The following MPPED1 variants were observed in gnomAD, a reference collection of about 807,000 sequenced individuals.
MPPED1 encodes metallophosphoesterase domain-containing protein 1.
In MPPED1, 16 loss-of-function variants were observed where a neutral mutation model predicts 36.2. The observed-to-expected ratio is 0.44, with a 90% confidence interval of 0.30 to 0.67. The LOEUF (loss-of-function observed/expected upper bound fraction) is 0.67. Ranked by LOEUF, MPPED1 falls within the 30% of genes least tolerant of loss-of-function variation. The pLI is 0.10. For synonymous variants in MPPED1, 199 were observed against 191.3 expected (o/e 1.04, Z -0.33); for missense variants, 307 against 453.4 (o/e 0.68, Z 2.93).
At chr22:43,454,703 AC>A (rs990986496) in intron 3 of MPPED1, among the ~76,000 whole-genome samples, 88 of 152,240 alleles carry the variant, frequency 5.8e-4, no homozygotes, top group African/African-American at 2.1e-3. Context: ...GGTGCACACC[AC>A]CACACCTAGC....
At chr22:43,432,271 GGAGA>G (rs749549215) in intron 2 of MPPED1, among the ~76,000 whole-genome samples, 383 of 148,752 alleles carry the variant, frequency 2.6e-3, no homozygotes, top group Non-Finnish European at 4.4e-3. Context: ...GAGAAAGGGA[GGAGA>G]GAGAGAGAAA....
At chr22:43,469,410 A>G (rs953616766) in intron 3 of MPPED1, among the ~76,000 whole-genome samples, 14 of 152,206 alleles carry the variant, frequency 9.2e-5, no homozygotes, top group African/African-American at 3.4e-4. Context: ...GGTTGTGATG[A>G]AATTAAGCAA....
At chr22:43,443,683 C>T (rs907936296) in intron 3 of MPPED1, among the ~76,000 whole-genome samples, 2 of 151,846 alleles carry the variant, frequency 1.3e-5, no homozygotes, top group African/African-American at 4.8e-5. Context: ...AAAAGTCCAA[C>T]CAACTTTTTT....
intron 4 of MPPED1, among the ~76,000 whole-genome samples, chr22:43,483,262 G>T (rs1931805858): frequency 1.3e-5 from 2 of 152,254 alleles, no homozygotes; most frequent in Admixed American, 1.3e-4. Flanking sequence ...ACCAGAACGG[G>T]GCCGAGTCCT....
chr22:43,465,674 G>A (rs1178201091), intron 3 of MPPED1, among the ~76,000 whole-genome samples: 3 of 152,198 alleles, frequency 2.0e-5, no homozygotes, highest in African/African-American at 7.2e-5. Context: ...TGAAGAGAGC[G>A]GCTCTTGGAA....
intron 4 of MPPED1, among the ~76,000 whole-genome samples, chr22:43,495,489 A>AAGTGCTGGTGAT (rs1193574349): frequency 9.5e-5 from 1 of 10,480 alleles, no homozygotes; most frequent in African/African-American, 8.9e-4. Flanking sequence ...GTGGTGGTGG[A>AAGTGCTGGTGAT]GGTAGTGGTG....
At chr22:43,428,096 G>A (rs911700346) in intron 2 of MPPED1, among the ~76,000 whole-genome samples, 4 of 152,192 alleles carry the variant, frequency 2.6e-5, no homozygotes, top group African/African-American at 9.6e-5. Context: ...TGCCTGTGCT[G>A]AGCTTACATC....
At chr22:43,472,904 A>G (rs1342424660) in intron 3 of MPPED1, among the ~76,000 whole-genome samples, 1 of 152,222 alleles carries the variant, frequency 6.6e-6, no homozygotes, top group Admixed American at 6.5e-5. Context: ...CTGTAGTTAT[A>G]GGACATGTAC....
chr22:43,463,345 T>TC (rs1364693884), intron 3 of MPPED1, among the ~76,000 whole-genome samples: 14 of 150,232 alleles, frequency 9.3e-5, no homozygotes, highest in African/African-American at 2.9e-4. Context: ...TTTTTTTTTT[T>TC]TTTTGAGACA....
chr22:43,427,496 C>T lies in MPPED1; in HGVS notation c.224+2287C>T, dbSNP rs551193432. Reference sequence around the variant, plus strand: ...CTGGGCAGGCAGCAGGGGTTGGGGGCGTGCAGGAGACACCACAGGCCCCTG... The same window carrying T: ...CTGGGCAGGCAGCAGGGGTTGGGGGTGTGCAGGAGACACCACAGGCCCCTG... On this transcript the variant is annotated intron_variant, in intron 2 of 6. Coordinates refer to ENST00000443721, the MANE Select transcript of MPPED1 (RefSeq NM_001044370.2). Among the ~76,000 whole-genome samples, 72 of 152,012 alleles carry T rather than the reference C, an allele frequency of 4.7e-4. 1 individual carries two copies. The highest frequency in any genetic ancestry group is 1.1e-3 in the African/African-American group (47 of 41,478).
intron 3 of MPPED1, among the ~76,000 whole-genome samples, chr22:43,447,873 ATATATATATATTT>A (rs1322095985): frequency 9.7e-5 from 3 of 31,020 alleles, no homozygotes; most frequent in African/African-American, 3.0e-4. Context: ...ATATATATAT[ATATATATATATTT>A]TTTTTTTTTT....
chr22:43,473,219 C>G (rs918178169), intron 3 of MPPED1, among the ~76,000 whole-genome samples: 7 of 149,356 alleles, frequency 4.7e-5, no homozygotes, highest in Non-Finnish European at 1.0e-4. Context: ...GGTGCCCGTG[C>G]TGCTGGGCAT....
intron 1 of MPPED1, among the ~76,000 whole-genome samples, chr22:43,412,824 A>C (rs962881706): frequency 6.6e-6 from 1 of 152,212 alleles, no homozygotes; most frequent in Non-Finnish European, 1.5e-5. Flanking sequence ...ACTAAGGAGC[A>C]GTTCTGTCTC....
At chr22:43,433,114 G>C (rs1177086818) in intron 2 of MPPED1, among the ~76,000 whole-genome samples, 1 of 152,066 alleles carries the variant, frequency 6.6e-6, no homozygotes, top group African/African-American at 2.4e-5. Flanking sequence ...GTCATGGGGA[G>C]TGGGGGTCAC....
At chr22:43,424,538 C>G (rs1929389253) in intron 1 of MPPED1, among the ~76,000 whole-genome samples, 1 of 151,938 alleles carries the variant, frequency 6.6e-6, no homozygotes. Flanking sequence ...CACCTGTTTA[C>G]AAAATACCAG....
chr22:43,463,661 G>A (rs190266107), intron 3 of MPPED1, among the ~76,000 whole-genome samples: 1 of 152,212 alleles, frequency 6.6e-6, no homozygotes, highest in Admixed American at 6.5e-5. Context: ...TTTCATGGGT[G>A]CAATATTTTA....
chr22:43,497,561 A>G (rs989793175), intron 4 of MPPED1, among the ~76,000 whole-genome samples: 19 of 152,066 alleles, frequency 1.2e-4, no homozygotes, highest in African/African-American at 4.6e-4. Context: ...TGTGTTCACC[A>G]CTGAACTGAC....
intron 2 of MPPED1, among the ~76,000 whole-genome samples, chr22:43,430,509 G>A (rs531506626): frequency 9.9e-5 from 15 of 152,258 alleles, no homozygotes; most frequent in South Asian, 2.1e-4. Flanking sequence ...GTCTGGCGTC[G>A]GAGGCCGTGT....
intron 5 of MPPED1, among the ~76,000 whole-genome samples, chr22:43,500,359 A>AGGTGGTGAT (rs1932681007): frequency 2.1e-5 from 1 of 48,720 alleles, no homozygotes; most frequent in African/African-American, 8.5e-5. Context: ...ATGGTGATGG[A>AGGTGGTGAT]GGTGGTGATG....
Sources: allele counts gnomAD v4.1 joint callset (sites outside exome capture counted in the v4.1 genomes callset), GRCh38; gene constraint gnomAD v4.1.1; transcripts MANE v1.5; gene names NCBI Gene and HGNC (gene_info 2026-07-23, HGNC 2026-07-21).